The following TOX3 variants were observed in gnomAD, a reference collection of about 807,000 sequenced individuals.
TOX3 encodes the protein CAG trinucleotide repeat-containing gene F9 protein.
Under a neutral mutation model 64.3 loss-of-function variants are expected in TOX3, and 22 were observed. That is an observed-to-expected ratio of 0.34 (90% CI 0.24 to 0.49). The LOEUF (loss-of-function observed/expected upper bound fraction) is 0.49. Ranked by LOEUF, TOX3 falls within the 20% of genes least tolerant of loss-of-function variation. The pLI is 0.99. For missense variants in TOX3, 661 were observed against 714.4 expected (o/e 0.93, Z 0.85); for synonymous variants, 291 against 273.6 (o/e 1.06, Z -0.63).
At chr16:52,510,778 AAAGAAG>A (rs71141198) in intron 1 of TOX3, among the ~76,000 whole-genome samples, 1 of 115,142 alleles carries the variant, frequency 8.7e-6, no homozygotes, top group African/African-American at 3.5e-5. Flanking sequence ...AAAAAAAAAA[AAAGAAG>A]AAGAAGAAGA....
In TOX3 at chr16:52,439,260, G is replaced by C; in HGVS notation, c.1696C>G (p.Gln566Glu). Residue 566 changes from glutamine (Q) to glutamate (E), a missense_variant, in exon 7 of 7, where the codon CAG (glutamine) becomes GAG (glutamate). By Grantham distance (29) the Gln-to-Glu change is conservative. This residue lies in a region of TOX3 where 299 missense variants were observed against 292.1 expected (regional missense o/e 1.02). Coordinates refer to ENST00000219746, the MANE Select transcript of TOX3 (RefSeq NM_001080430.4). Reference sequence around the variant, plus strand: ...CTGACCTGCGATAATACTTGAGTCTGTGTCTGAGACTGTATTTGCGACTGG... The same window carrying C: ...CTGACCTGCGATAATACTTGAGTCTCTGTCTGAGACTGTATTTGCGACTGG... ...QHQSQIQSQTQTQVLSQVSIF is the reference protein window; with the variant it reads ...QHQSQIQSQTETQVLSQVSIF 6.2e-7 allele frequency: 1 copy of C among 1,613,950 alleles called. No individual in the cohort carries two copies. The highest frequency in any genetic ancestry group is 8.5e-7 in the Non-Finnish European group (1 of 1,179,864).
chr16:52,454,118 C>T (rs1428848024), intron 3 of TOX3, among the ~76,000 whole-genome samples: 3 of 152,072 alleles, frequency 2.0e-5, no homozygotes, highest in African/African-American at 7.2e-5. Context: ...ACGGTAGAGG[C>T]ATGTCCCGGC....
chr16:52,461,742 T>G (rs1399460774), intron 3 of TOX3, among the ~76,000 whole-genome samples: 1 of 152,142 alleles, frequency 6.6e-6, no homozygotes, highest in African/African-American at 2.4e-5. Context: ...GCATGACGTA[T>G]AAAGTATTAT....
chr16:52,527,222 A>C (rs1320527210), intron 1 of TOX3, among the ~76,000 whole-genome samples: 1 of 147,264 alleles, frequency 6.8e-6, no homozygotes, highest in African/African-American at 2.4e-5. Context: ...GTATACTAGA[A>C]CCAAACACAC....
At chr16:52,485,955 C>A (rs1219745250) in intron 1 of TOX3, among the ~76,000 whole-genome samples, 3 of 152,214 alleles carry the variant, frequency 2.0e-5, no homozygotes, top group Non-Finnish European at 2.9e-5. Flanking sequence ...CATTCATCAA[C>A]ACAGGGGAAG....
chr16:52,490,158 TAGTG>T (rs1347876520), intron 1 of TOX3, among the ~76,000 whole-genome samples: 1 of 152,184 alleles, frequency 6.6e-6, no homozygotes, highest in Non-Finnish European at 1.5e-5. Flanking sequence ...GTTCTCATGA[TAGTG>T]AGTGAGTTCT....
In TOX3 at chr16:52,450,645, A is replaced by C; in HGVS notation, c.409-99T>G. 2.0e-6 allele frequency: 3 copies of C among 1,463,670 alleles called. No individual in the cohort carries two copies. In the East Asian group the frequency reaches 6.9e-5, roughly 34 times the overall value. 90.7% of individuals were successfully genotyped at this position (1,463,670 alleles called of 1,614,324 possible). ...TCCTTAGATAGGTTTGAACTGTTGC[A>C]ATGTTGATAGGTCTGACCTATTGCA... On this transcript the variant is annotated intron_variant, in intron 3 of 6. Coordinates refer to ENST00000219746, the MANE Select transcript of TOX3 (RefSeq NM_001080430.4).
chr16:52,517,896 A>G (rs1250010837), intron 1 of TOX3, among the ~76,000 whole-genome samples: 2 of 152,200 alleles, frequency 1.3e-5, no homozygotes, highest in African/African-American at 4.8e-5. Context: ...TCTAAAAACA[A>G]AGTATATTTT....
rs554240686 is a variant in TOX3 at position 52,494,141 on chromosome 16, T to A, written c.88-25567A>T. On this transcript the variant is annotated intron_variant, in intron 1 of 6. Transcript: ENST00000219746. ...TCATATGTGGCAGCTAGGCTAATTA[T>A]TTTCTAAGAGTCATGCTCCTCTTAC... is the stretch of plus-strand genomic sequence containing the variant. Among the ~76,000 whole-genome samples the A allele has an allele frequency of 4.6e-5, 7 of 152,294 alleles. No homozygotes were observed. The South Asian group carries it at 1.0e-3, about 23-fold the overall frequency.
At chr16:52,502,429 A>G (rs1003870781) in intron 1 of TOX3, among the ~76,000 whole-genome samples, 7 of 152,222 alleles carry the variant, frequency 4.6e-5, no homozygotes, top group African/African-American at 1.7e-4. Flanking sequence ...AAAGGGAAAT[A>G]ATTTTCGGTC....
chr16:52,475,922 C>T (rs1961195037), intron 1 of TOX3, among the ~76,000 whole-genome samples: 2 of 152,038 alleles, frequency 1.3e-5, no homozygotes, highest in African/African-American at 4.8e-5. Flanking sequence ...TGAAGGAACT[C>T]CAAAGCACTC....
At chr16:52,462,424 T>C (rs1362097297) in intron 3 of TOX3, among the ~76,000 whole-genome samples, 1 of 152,126 alleles carries the variant, frequency 6.6e-6, no homozygotes, top group Non-Finnish European at 1.5e-5. Context: ...TCCTTTACAC[T>C]TTTTTATGGC....
intron 1 of TOX3, among the ~76,000 whole-genome samples, chr16:52,521,627 A>C (rs1458515715): frequency 3.3e-5 from 5 of 152,202 alleles, no homozygotes; most frequent in Non-Finnish European, 7.3e-5. Flanking sequence ...AACTGTGCGT[A>C]CACAGCTTCA....
At chr16:52,462,313 G>A (rs572174508) in intron 3 of TOX3, among the ~76,000 whole-genome samples, 1 of 152,076 alleles carries the variant, frequency 6.6e-6, no homozygotes, top group African/African-American at 2.4e-5. Context: ...TGTTCTTTAA[G>A]TGTATGTGAA....
At chr16:52,468,271 AT>A (rs1385416377) in intron 2 of TOX3, among the ~76,000 whole-genome samples, 2 of 152,114 alleles carry the variant, frequency 1.3e-5, no homozygotes, top group Non-Finnish European at 2.9e-5. Flanking sequence ...TGTTTGCATT[AT>A]TTTTTAATCA....
chr16:52,476,974 A>C (rs1036751270), intron 1 of TOX3, among the ~76,000 whole-genome samples: 2 of 152,134 alleles, frequency 1.3e-5, no homozygotes, highest in African/African-American at 2.4e-5. Context: ...TTCAATATAT[A>C]ATTTCACCTT....
At chr16:52,451,322 C>T (rs372374137) in intron 3 of TOX3, among the ~76,000 whole-genome samples, 55 of 152,218 alleles carry the variant, frequency 3.6e-4, no homozygotes, top group East Asian at 2.9e-3. Flanking sequence ...TTCATAAATA[C>T]GTAAAAAAAG....
At chr16:52,518,456 A>G (rs1446188751) in intron 1 of TOX3, among the ~76,000 whole-genome samples, 3 of 152,226 alleles carry the variant, frequency 2.0e-5, no homozygotes, top group East Asian at 3.8e-4. Flanking sequence ...AATATGTAAG[A>G]CCCAGACCAT....
chr16:52,463,054 G>C (rs1001358110), intron 3 of TOX3, among the ~76,000 whole-genome samples: 2 of 152,050 alleles, frequency 1.3e-5, no homozygotes, highest in Admixed American at 1.3e-4. Flanking sequence ...AACATCACTG[G>C]CATGGTCCTA....
Sources: allele counts gnomAD v4.1 joint callset (sites outside exome capture counted in the v4.1 genomes callset), GRCh38; gene constraint gnomAD v4.1.1; regional missense constraint gnomAD v4.1.1; transcripts MANE v1.5; gene names NCBI Gene and HGNC (gene_info 2026-07-23, HGNC 2026-07-21).